Variants in GPR55 observed in about 807,000 individuals in gnomAD.
GPR55 encodes G-protein coupled receptor 55.
GPR55 carries 6 observed loss-of-function variants against 7.9 expected under a neutral mutation model. That is an observed-to-expected ratio of 0.76 (90% CI 0.41 to 1.49). The LOEUF is 1.49. Among genes scored for constraint, GPR55 ranks in the 40% most tolerant of loss-of-function variants. GPR55 has a pLI of 0.01. For missense variants in GPR55, 376 were observed against 406.0 expected, an observed-to-expected ratio of 0.93 and a Z score of 0.63; for synonymous variants, 183 against 166.8, an observed-to-expected ratio of 1.10 and a Z score of -0.75.
At chr2:230,919,985 G>GA (rs200407134) in intron 1 of GPR55, among the ~76,000 whole-genome samples, 32,075 of 142,630 alleles carry the variant, frequency 0.22, 4,312 homozygotes, top group African/African-American at 0.4. Flanking sequence ...GCATAGAGGG[G>GA]AAAAAAAAAA....
At chr2:230,951,376 A>G (rs1260739911) in intron 1 of GPR55, among the ~76,000 whole-genome samples, 1 of 152,210 alleles carries the variant, frequency 6.6e-6, no homozygotes, top group Non-Finnish European at 1.5e-5. Flanking sequence ...GAGGAAAAAC[A>G]TGGTTTGGGA....
At chr2:230,938,727 C>A (rs975707609) in intron 1 of GPR55, among the ~76,000 whole-genome samples, 1 of 152,202 alleles carries the variant, frequency 6.6e-6, no homozygotes, top group Non-Finnish European at 1.5e-5. Context: ...TCTTGTCCAG[C>A]CACTGGCAGA....
intron 1 of GPR55, among the ~76,000 whole-genome samples, chr2:230,956,813 C>T (rs1691489008): frequency 6.6e-6 from 1 of 152,124 alleles, no homozygotes; most frequent in South Asian, 2.1e-4. Context: ...GAGCTGTCTC[C>T]CTACCTTTTT....
chr2:230,948,235 C>T (rs1691349468), intron 1 of GPR55, among the ~76,000 whole-genome samples: 1 of 152,016 alleles, frequency 6.6e-6, no homozygotes, highest in African/African-American at 2.4e-5. Context: ...TGAAAGGGAA[C>T]TTAGAACCAG....
intron 1 of GPR55, among the ~76,000 whole-genome samples, chr2:230,931,960 G>A (rs964536907): frequency 6.6e-6 from 1 of 152,008 alleles, no homozygotes; most frequent in African/African-American, 2.4e-5. Flanking sequence ...CCTGGTGGTA[G>A]GGCAGCCCCA....
intron 1 of GPR55, among the ~76,000 whole-genome samples, chr2:230,948,997 G>T (rs1342680555): frequency 6.6e-6 from 1 of 152,128 alleles, no homozygotes; most frequent in Non-Finnish European, 1.5e-5. Flanking sequence ...TGAGCCAGGG[G>T]GGTCAAGGCT....
chr2:230,918,163 C>T (rs1055766555), intron 1 of GPR55, among the ~76,000 whole-genome samples: 8 of 152,142 alleles, frequency 5.3e-5, no homozygotes, highest in Non-Finnish European at 8.8e-5. Flanking sequence ...ATAGGTGGTT[C>T]CTTCAGAACA....
rs1417236265 is a variant in GPR55 at position 230,909,346 on chromosome 2, C to T, written c.*657G>A. 6.6e-6 allele frequency: 1 copy of T among 152,492 alleles called. No homozygotes were observed. Among genetic ancestry groups the T allele is most frequent in the African/African-American group, 2.4e-5 (1 of 41,458 alleles). 9.4% of individuals were successfully genotyped at this position (152,492 alleles called of 1,614,324 possible). A position where few individuals can be genotyped will look rare whatever the true frequency, so the allele number is the denominator to read the frequency against. ...CCACTCAGTCATTTTGCAGTCTTCTCACGGGCACGGAAAGGTGTGGCTGGC... is the reference window on the plus strand; with the variant it reads ...CCACTCAGTCATTTTGCAGTCTTCTTACGGGCACGGAAAGGTGTGGCTGGC... On this transcript the variant is annotated 3_prime_UTR_variant, in exon 2 of 2. Coordinates refer to ENST00000650999, the MANE Select transcript of GPR55 (RefSeq NM_005683.4).
chr2:230,939,855 C>T (rs537666363), intron 1 of GPR55, among the ~76,000 whole-genome samples: 2 of 152,042 alleles, frequency 1.3e-5, no homozygotes, highest in East Asian at 1.9e-4. Flanking sequence ...CCATCCCTCC[C>T]CACCCAGGGG....
intron 1 of GPR55, among the ~76,000 whole-genome samples, chr2:230,920,240 A>G (rs1022253632): frequency 6.6e-6 from 1 of 152,124 alleles, no homozygotes; most frequent in African/African-American, 2.4e-5. Context: ...TATCAGAGAA[A>G]CAACTTGTGG....
Position 230,944,469 on chromosome 2 carries a change from G to A in GPR55, c.-135+16306C>T, listed in dbSNP as rs1348348461. The stretch of plus-strand genomic sequence containing the variant: ...GGAGCCGTGGTTTCCAGTAACCATC[G>A]CTGGTTAGTTCAGAGGGAAATGTCC... On this transcript the variant is annotated intron_variant, in intron 1 of 1. Transcript: ENST00000392039. This position sits in a 1 kb window ranked among gnomAD's most constrained non-coding sequence, Gnocchi z 4.2. Among the ~76,000 whole-genome samples the A allele has an allele frequency of 6.6e-6, 1 of 152,186 alleles. No homozygotes were observed. The highest frequency in any genetic ancestry group is 1.5e-5 in the Non-Finnish European group (1 of 68,026).
rs375402938 is a variant in GPR55, at chr2:230,910,228, C to A, written c.735G>T (p.Gly245=). The A allele has an allele frequency of 4.2e-5, 67 of 1,613,872 alleles. No individual in the cohort carries two copies. The highest frequency in any genetic ancestry group is 5.1e-5 in the Non-Finnish European group (60 of 1,179,858). ...TTCTCACCAGGAACTGCAGGAAGAA[C>A]CCCAGGTGGACTGGGAGGAAGGAGA... is the stretch of plus-strand genomic sequence containing the variant. ...FVVSFLPVHL[G]FFLQFLVRNS... is the part of the protein sequence containing the mutation. Residue 245 remains glycine, a synonymous_variant, in exon 2 of 2, where the codon GGG becomes GGT. Transcript: ENST00000650999. This position sits in a 1 kb window ranked among gnomAD's most constrained non-coding sequence, Gnocchi z 5.4.
upstream of GPR55, among the ~76,000 whole-genome samples, chr2:230,925,536 T>C (rs1690927869): frequency 6.6e-6 from 1 of 152,004 alleles, no homozygotes; most frequent in African/African-American, 2.4e-5. Context: ...TGTCAAGCCC[T>C]GGGAAGCCTC....
At chr2:230,922,390 G>A (rs1690858425) in intron 1 of GPR55, among the ~76,000 whole-genome samples, 1 of 151,878 alleles carries the variant, frequency 6.6e-6, no homozygotes, top group Non-Finnish European at 1.5e-5. Context: ...TTGTTTGTTT[G>A]TTTAAGTTAG....
intron 1 of GPR55, among the ~76,000 whole-genome samples, chr2:230,943,677 G>C (rs1180433630): frequency 1.3e-5 from 2 of 152,316 alleles, no homozygotes; most frequent in East Asian, 3.9e-4. Context: ...TTGGATCATG[G>C]GGGTGGATTT....
chr2:230,916,167 A>T (rs1424774146), intron 1 of GPR55, among the ~76,000 whole-genome samples: 6 of 152,094 alleles, frequency 3.9e-5, no homozygotes, highest in Non-Finnish European at 7.4e-5. Context: ...CGAGCCCAGG[A>T]GTTTGAGACC....
intron 1 of GPR55, among the ~76,000 whole-genome samples, chr2:230,933,309 C>T (rs980376359): frequency 7.9e-5 from 12 of 152,174 alleles, no homozygotes; most frequent in African/African-American, 2.9e-4. Flanking sequence ...GCTCCACTGC[C>T]CCATCTCCCT....
intron 1 of GPR55, among the ~76,000 whole-genome samples, chr2:230,921,442 C>T (rs760853107): frequency 5.9e-5 from 9 of 152,230 alleles, no homozygotes; most frequent in Admixed American, 2.0e-4. Context: ...TTACACTCCT[C>T]ATTCTCGGAC....
chr2:230,932,897 G>A (rs536989121), intron 1 of GPR55, among the ~76,000 whole-genome samples: 2 of 151,980 alleles, frequency 1.3e-5, no homozygotes, highest in Admixed American at 6.5e-5. Context: ...GCATGCGCTC[G>A]CTCTCTCTAA....
Sources: gnomAD v4.1 joint callset for allele counts (sites outside exome capture counted in the v4.1 genomes callset) on GRCh38, gnomAD v4.1.1 for gene constraint, Gnocchi (gnomAD v3.1) non-coding constraint, MANE v1.5 for transcripts, NCBI Gene and HGNC (gene_info 2026-07-23, HGNC 2026-07-21) for gene names.